NNT: variants seen among roughly 807,000 people sequenced by gnomAD.
NNT encodes NAD(P) transhydrogenase, mitochondrial.
NNT carries 50 observed loss-of-function variants against 104.8 expected under a neutral mutation model. The observed-to-expected ratio is 0.48, with a 90% CI of 0.38 to 0.60. NNT has a LOEUF of 0.60. NNT is among the 20% of genes least tolerant of loss of function. NNT has a pLI of 0.00. For synonymous variants in NNT, 461 were observed against 490.4 expected (o/e 0.94, Z 0.79); for missense variants, 1,131 against 1,330.7 (o/e 0.85, Z 2.33).
At chr5:43,612,875 A>G in intron 2 of NNT, 33 bp from the exon 3 acceptor site, 1 of 1,386,986 alleles carries the variant, frequency 7.2e-7, no homozygotes, top group Non-Finnish European at 9.9e-7. Context: ...TTTTTACCAA[A>G]TATATATTTT....
At position 43,628,240 on chromosome 5, in the gene NNT, C is replaced by T. The variant is rs1750471409; in HGVS notation, c.817C>T (p.Pro273Ser). The T allele has an allele frequency of 1.2e-6, 2 of 1,613,600 alleles. No homozygotes were observed. The highest frequency in any genetic ancestry group is 2.2e-5 in the East Asian group (1 of 44,852). ...LEQFKSLGAE[P>S]LEVDLKESGE... ...ACAGTTCAAGTCTCTTGGTGCTGAG[C>T]CCTTGGAGGTGGACTTGAAGGAATC... The change falls in exon 7 of 22, where the codon CCC (proline) becomes TCC (serine). Residue 273 changes from proline to serine, a missense_variant. Pro to Ser is a moderately conservative substitution (Grantham distance 74). Coordinates refer to ENST00000344920, the MANE Select transcript of NNT (RefSeq NM_182977.3).
At chr5:43,685,046 A>T (rs1257238598) in intron 19 of NNT, among the ~76,000 whole-genome samples, 3 of 152,222 alleles carry the variant, frequency 2.0e-5, no homozygotes, top group Non-Finnish European at 2.9e-5. Flanking sequence ...GGGACAAAAC[A>T]GTGTGCAAAC....
intron 19 of NNT, among the ~76,000 whole-genome samples, chr5:43,682,691 G>C (rs1741787945): frequency 1.3e-5 from 2 of 152,308 alleles, no homozygotes; most frequent in South Asian, 4.1e-4. Flanking sequence ...TATAGTATTT[G>C]AGTAACGAAA....
chr5:43,615,710 T>G (rs921469068), intron 3 of NNT, 138 bp from the exon 4 acceptor site: 5 of 740,064 alleles, frequency 6.8e-6, no homozygotes, highest in Non-Finnish European at 1.1e-5. Flanking sequence ...GCTTAAGAAT[T>G]TAGTCAGAAA....
In NNT at chr5:43,628,393, C is replaced by A; in HGVS notation, c.964+6C>A. On this transcript the variant is annotated splice_donor_region_variant and intron_variant, in intron 7 of 21. Coordinates refer to ENST00000344920, the MANE Select transcript of NNT (RefSeq NM_182977.3). Reference sequence around the variant, plus strand: ...CAGCACAGCACTTATTCCAGGTATGCCATTAAGTAAACGGTTATTTTAAAA... The same window carrying A: ...CAGCACAGCACTTATTCCAGGTATGACATTAAGTAAACGGTTATTTTAAAA... 1.3e-6 allele frequency: 2 copies of A among 1,558,760 alleles called. No individual in the cohort carries two copies. Among genetic ancestry groups the A allele is most frequent in the Non-Finnish European group, 8.7e-7 (1 of 1,152,902 alleles).
chr5:43,677,787 G>C lies in NNT; in HGVS notation c.2857G>C (p.Glu953Gln). Residue 953 changes from glutamate to glutamine, a missense_variant, in exon 19 of 22, where the codon GAG becomes CAG. Glu to Gln is a conservative substitution (Grantham distance 29). Coordinates refer to ENST00000344920, the MANE Select transcript of NNT (RefSeq NM_182977.3). ...TGCTGATTTGGTAAAGATGCTCACT[G>C]AGCAAGGCAAAAAAGTCAGGTAAGC... ...PIADLVKMLT[E>Q]QGKKVRFGIH... The C allele has an allele frequency of 6.2e-7, 1 of 1,613,646 alleles. No individual in the cohort carries two copies. Among genetic ancestry groups the C allele is most frequent in the Non-Finnish European group, 8.5e-7 (1 of 1,179,668 alleles).
chr5:43,684,623 A>G (rs1364271317), intron 19 of NNT, among the ~76,000 whole-genome samples: 1 of 152,002 alleles, frequency 6.6e-6, no homozygotes, highest in Non-Finnish European at 1.5e-5. Flanking sequence ...CAGTTGGTCC[A>G]GGCCTTTTCA....
Position 43,650,503 on chromosome 5 carries a change from C to T in NNT, c.1633C>T (p.Leu545=). ...SGLTAVGGLA[L]MGGHLYPSTT... ...GCTGACTGCAGTTGGTGGGTTGGCA[C>T]TGATGGGAGGACATTTGTATCCTTC... The change falls in exon 12 of 22, where the codon CTG becomes TTG. Residue 545 remains leucine, a synonymous_variant. Coordinates refer to ENST00000344920, the MANE Select transcript of NNT (RefSeq NM_182977.3). The T allele has an allele frequency of 6.2e-7, 1 of 1,614,098 alleles. No individual in the cohort carries two copies. The highest frequency in any genetic ancestry group is 1.1e-5 in the South Asian group (1 of 91,086).
At chr5:43,697,812 A>T (rs1742634017) in intron 19 of NNT, among the ~76,000 whole-genome samples, 1 of 152,192 alleles carries the variant, frequency 6.6e-6, no homozygotes, top group Non-Finnish European at 1.5e-5. Context: ...ACTCCTTCTT[A>T]TAAAATCATC....
intron 17 of NNT, among the ~76,000 whole-genome samples, chr5:43,672,347 G>T (rs190728607): frequency 6.6e-6 from 1 of 150,610 alleles, no homozygotes; most frequent in Non-Finnish European, 1.5e-5. Context: ...TCCTTTGGAG[G>T]GGGGAGAGGC....
chr5:43,619,240 T>A (rs1358780706), intron 5 of NNT, 121 bp downstream of exon 5: 18 of 404,760 alleles, frequency 4.4e-5, no homozygotes, highest in Admixed American at 3.1e-4. Context: ...GACTTTTTGG[T>A]GTGTATAAAT....
chr5:43,667,265 C>G, intron 17 of NNT: 1 of 758,708 alleles, frequency 1.3e-6, no homozygotes. Context: ...CCCGAAGTGC[C>G]TAGAACCCTA....
At chr5:43,696,695 A>G (rs1448497955) in intron 19 of NNT, among the ~76,000 whole-genome samples, 2 of 152,218 alleles carry the variant, frequency 1.3e-5, no homozygotes, top group African/African-American at 2.4e-5. Flanking sequence ...TCTGAAATCT[A>G]GGCAGAGGTT....
intron 17 of NNT, among the ~76,000 whole-genome samples, chr5:43,669,534 A>G (rs1223774304): frequency 1.3e-5 from 2 of 152,084 alleles, no homozygotes; most frequent in Non-Finnish European, 2.9e-5. Context: ...ATCTATTGAG[A>G]TAATCATGTG....
chr5:43,611,945 C>T (rs930408697), intron 2 of NNT, among the ~76,000 whole-genome samples: 13 of 152,054 alleles, frequency 8.5e-5, no homozygotes, highest in African/African-American at 3.1e-4. Context: ...GGAACAGAAT[C>T]ACATCAGATT....
rs370569678 is a variant in NNT, at chr5:43,611,597, G to A, written c.152-1311G>A. ...TAAGATTCAGCATTATTTGCCTTTC[G>A]TGTACTGTAAATTATTACTATATAG... On this transcript the variant is annotated intron_variant, in intron 2 of 21. Transcript: ENST00000344920. Among the ~76,000 whole-genome samples, 57 of 152,162 alleles carry A rather than the reference G, an allele frequency of 3.7e-4. 1 individual carries two copies. The East Asian group carries it at 7.3e-3, about 20-fold the overall frequency.
At position 43,707,311 on chromosome 5, in the gene NNT, TATTA is replaced by T. The variant is rs1401741945; in HGVS notation, c.*2912_*2915del. On this transcript the variant is annotated 3_prime_UTR_variant, in exon 22 of 22. Coordinates refer to ENST00000344920, the MANE Select transcript of NNT (RefSeq NM_182977.3). ...TGATAACTAATTGAGGTAATGCACA[TATTA>T]ATTAGAAAGATTTTGTCATTCCACA... is the stretch of plus-strand genomic sequence containing the variant. 6.6e-6 allele frequency: 1 copy of T among 152,130 alleles called. No homozygotes were observed. Among genetic ancestry groups the T allele is most frequent in the African/African-American group, 2.4e-5 (1 of 41,438 alleles). The allele number at this position is 152,130 out of a possible 1,614,324, so 9.4% of individuals were successfully genotyped here. A position where few individuals can be genotyped will look rare whatever the true frequency, so the allele number is the denominator to read the frequency against.
At chr5:43,685,161 A>G (rs775126559) in intron 19 of NNT, among the ~76,000 whole-genome samples, 18 of 152,322 alleles carry the variant, frequency 1.2e-4, no homozygotes, top group Non-Finnish European at 2.4e-4. Flanking sequence ...AGATTTATAA[A>G]TATTTATAGT....
In NNT at chr5:43,613,123, G is replaced by C; in HGVS notation, c.367G>C (p.Asp123His). ...IQGAKEVLAS[D>H]LVVKVRAPMV... ...AGGGGCAAAGGAAGTGCTGGCTTCT[G>C]ATTTGGTGGTCAAAGTAATTATTCC... The change falls in exon 3 of 22, where the codon GAT becomes CAT. Residue 123 changes from aspartate to histidine, a missense_variant. By Grantham distance (81) the Asp-to-His change is moderately conservative. Coordinates refer to ENST00000344920, the MANE Select transcript of NNT (RefSeq NM_182977.3). 2 of 1,612,280 alleles carry C rather than the reference G, an allele frequency of 1.2e-6. No individual in the cohort carries two copies. The highest frequency in any genetic ancestry group is 1.7e-6 in the Non-Finnish European group (2 of 1,178,796).
Sources: allele counts gnomAD v4.1 joint callset (sites outside exome capture counted in the v4.1 genomes callset), GRCh38; gene constraint gnomAD v4.1.1; transcripts MANE v1.5; gene names NCBI Gene and HGNC (gene_info 2026-07-23, HGNC 2026-07-21).